IL15RA: variants seen among roughly 807,000 people sequenced by gnomAD.
IL15RA encodes interleukin-15 receptor subunit alpha.
In IL15RA, 26 loss-of-function variants were observed where a neutral mutation model predicts 24.2. The observed-to-expected ratio is 1.07, with a 90% CI of 0.79 to 1.49. IL15RA has a LOEUF of 1.49. Ranked by LOEUF, IL15RA falls within the 40% of genes most tolerant of loss-of-function variation. The pLI is 0.00. For synonymous variants in IL15RA, 166 were observed against 157.6 expected, an observed-to-expected ratio of 1.05 and a Z score of -0.40; for missense variants, 354 against 356.4, an observed-to-expected ratio of 0.99 and a Z score of 0.05.
chr10:5,954,832 T>C (rs890730232), intron 6 of IL15RA, among the ~76,000 whole-genome samples: 1 of 152,184 alleles, frequency 6.6e-6, no homozygotes, highest in African/African-American at 2.4e-5. Flanking sequence ...TTATTAATAG[T>C]GATATTTTGA....
rs983694280 is a variant in IL15RA, at chr10:5,953,734, A to G, written c.693-528T>C. The G allele has an allele frequency of 4.9e-5, 11 of 225,150 alleles. No individual in the cohort carries two copies. Among genetic ancestry groups the G allele is most frequent in the Non-Finnish European group, 8.8e-5 (10 of 113,462 alleles). The allele number at this position is 225,150 out of a possible 1,614,324, so 13.9% of individuals were successfully genotyped here. Reference sequence around the variant, plus strand: ...ATCATCTTGAAAAAAGTGATTTAATATTCATGAAGCTTTTAAAAACAGTTC... The same window carrying G: ...ATCATCTTGAAAAAAGTGATTTAATGTTCATGAAGCTTTTAAAAACAGTTC... On this transcript the variant is annotated intron_variant, in intron 6 of 6. Coordinates refer to ENST00000379977, the MANE Select transcript of IL15RA (RefSeq NM_002189.4). This position sits in a 1 kb window ranked among gnomAD's most constrained non-coding sequence, Gnocchi z 5.3.
rs1161472615 is a variant in IL15RA at position 5,961,939 on chromosome 10, C to T, written c.383-1372G>A. 1.3e-5 allele frequency among the ~76,000 whole-genome samples: 2 copies of T among 152,196 alleles called. No homozygotes were observed. Among genetic ancestry groups the T allele is most frequent in the East Asian group, 1.9e-4 (1 of 5,198 alleles). On this transcript the variant is annotated intron_variant, in intron 3 of 6. Transcript: ENST00000379977. The surrounding 1 kb of genome is among the most constrained non-coding windows in gnomAD (Gnocchi z 5.2). ...TTGCCCTACGCTCACTGCCAATGCTCCAGGGCTCCCTGCACAGGACGCACC... is the reference window on the plus strand; with the variant it reads ...TTGCCCTACGCTCACTGCCAATGCTTCAGGGCTCCCTGCACAGGACGCACC...
upstream of IL15RA, chr10:5,978,108 C>A (rs1262395479): frequency 6.6e-6 from 1 of 152,310 alleles, no homozygotes; most frequent in East Asian, 1.9e-4. The surrounding 1 kb of genome is among the most constrained non-coding windows in gnomAD (Gnocchi z 5.2). Context: ...AGCGCAGCCC[C>A]CGCCACCTGC....
rs55906065 is a variant in IL15RA at position 5,970,736 on chromosome 10, ATTATT to A, written c.89-4402_89-4398del. On this transcript the variant is annotated intron_variant, in intron 1 of 6. Transcript: ENST00000379977. The surrounding 1 kb of genome is among the most constrained non-coding windows in gnomAD (Gnocchi z 4.1). ...TAAAATGATTTTATTTTATTTCATT[ATTATT>A]TTATTTTATTTTATTTTATTTTATT... Among the ~76,000 whole-genome samples the A allele has an allele frequency of 0.43, 61,924 of 143,134 alleles. 13,541 individuals are homozygous for A. Among genetic ancestry groups the A allele is most frequent in the East Asian group, 0.54 (2,640 of 4,902 alleles). 93.9% of individuals were successfully genotyped at this position (143,134 alleles called of 152,430 possible). A position where few individuals can be genotyped will look rare whatever the true frequency, so the allele number is the denominator to read the frequency against.
chr10:5,959,295 A>G lies in IL15RA; in HGVS notation c.616+459T>C, dbSNP rs1474591949. On this transcript the variant is annotated intron_variant, in intron 5 of 6. Transcript: ENST00000379977. This position sits in a 1 kb window ranked among gnomAD's most constrained non-coding sequence, Gnocchi z 4.1. The stretch of plus-strand genomic sequence containing the variant: ...GCTGGGATTACAGGTGTGAGCCACC[A>G]TGCCTGGCCAAGAGTAGCATTTTAT... 1.8e-4 allele frequency among the ~76,000 whole-genome samples: 28 copies of G among 151,636 alleles called. No individual in the cohort carries two copies. Among genetic ancestry groups the G allele is most frequent in the Non-Finnish European group, 7.4e-5 (5 of 67,932 alleles).
At position 5,970,409 on chromosome 10, in the gene IL15RA, T is replaced by C. The variant is rs1837379578; in HGVS notation, c.89-4070A>G. Among the ~76,000 whole-genome samples, 1 of 152,238 alleles carries C rather than the reference T, an allele frequency of 6.6e-6. No individual in the cohort carries two copies. Among genetic ancestry groups the C allele is most frequent in the Non-Finnish European group, 1.5e-5 (1 of 68,040 alleles). On this transcript the variant is annotated intron_variant, in intron 1 of 6. Coordinates refer to ENST00000379977, the MANE Select transcript of IL15RA (RefSeq NM_002189.4). This position sits in a 1 kb window ranked among gnomAD's most constrained non-coding sequence, Gnocchi z 4.1. ...ATTATTGTTTATCAGCTCAGGATTT[T>C]AAAAGGCATTTGCACTATATTATTT...
At position 5,975,732 on chromosome 10, in the gene IL15RA, A is replaced by T. The variant is rs919151353; in HGVS notation, c.88+1673T>A. Among the ~76,000 whole-genome samples the T allele has an allele frequency of 4.6e-5, 7 of 152,058 alleles. No homozygotes were observed. The highest frequency in any genetic ancestry group is 1.0e-4 in the Non-Finnish European group (7 of 68,008). On this transcript the variant is annotated intron_variant, in intron 1 of 6. Transcript: ENST00000379977. This position sits in a 1 kb window ranked among gnomAD's most constrained non-coding sequence, Gnocchi z 4.8. ...AACATGATGAAACCCCGTCTCTATT[A>T]AAAACACAAAAGTTACTGGGCGTGG...
upstream of IL15RA, chr10:5,977,552 G>T (rs1286789110): frequency 9.4e-6 from 12 of 1,275,880 alleles, no homozygotes; most frequent in African/African-American, 4.6e-5. Flanking sequence ...AGGCCGGGGG[G>T]AGGTGGCGAG....
chr10:5,954,787 T>G (rs1834300265), intron 6 of IL15RA, among the ~76,000 whole-genome samples: 1 of 152,214 alleles, frequency 6.6e-6, no homozygotes, highest in Admixed American at 6.5e-5. Context: ...AGAATATAAC[T>G]CCAAATTCAG....
intron 1 of IL15RA, among the ~76,000 whole-genome samples, chr10:5,969,148 A>G (rs144301665): frequency 6.0e-4 from 92 of 152,250 alleles, no homozygotes; most frequent in African/African-American, 2.1e-3. Flanking sequence ...AAAGTCAGGT[A>G]GTATAAGTCC....
rs1416565785 is a variant in IL15RA, at chr10:5,953,307, G to T, written c.693-101C>A. ...CATGTATGTCCAGCACTGCGGGGATGGCAGGAGCAGACAGAGGCCCTGCCA... is the reference window on the plus strand; with the variant it reads ...CATGTATGTCCAGCACTGCGGGGATTGCAGGAGCAGACAGAGGCCCTGCCA... On this transcript the variant is annotated intron_variant, in intron 6 of 6. Transcript: ENST00000379977. The surrounding 1 kb of genome is among the most constrained non-coding windows in gnomAD (Gnocchi z 5.3). 1 of 850,818 alleles carries T rather than the reference G, an allele frequency of 1.2e-6. No homozygotes were observed. Among genetic ancestry groups the T allele is most frequent in the Admixed American group, 1.9e-5 (1 of 51,456 alleles). 52.7% of individuals were successfully genotyped at this position (850,818 alleles called of 1,614,324 possible).
At chr10:5,949,016 C>T (rs181386400), downstream of IL15RA, 168 of 332,630 alleles carry the variant, frequency 5.1e-4, no homozygotes, top group Non-Finnish European at 8.0e-4. The surrounding 1 kb of genome is among the most constrained non-coding windows in gnomAD (Gnocchi z 4.4). Context: ...TGTAAAATGG[C>T]GCTGAGATGA....
chr10:5,954,731 T>A (rs1227830260), intron 6 of IL15RA, among the ~76,000 whole-genome samples: 1 of 151,656 alleles, frequency 6.6e-6, no homozygotes. Flanking sequence ...GTATGTACAT[T>A]TAAAAAATAT....
rs947849146 is a variant in IL15RA, at chr10:5,962,143, G to A, written c.383-1576C>T. Among the ~76,000 whole-genome samples the A allele has an allele frequency of 3.9e-5, 6 of 152,218 alleles. No homozygotes were observed. In the South Asian group the frequency reaches 6.2e-4, roughly 16 times the overall value. On this transcript the variant is annotated intron_variant, in intron 3 of 6. Transcript: ENST00000379977. The surrounding 1 kb of genome is among the most constrained non-coding windows in gnomAD (Gnocchi z 5.2). ...ATTCTCCTCCTTGGGTGAACCAGGTGTGACTCAGATCAAAGGGGTTGTAGA... is the reference window on the plus strand; with the variant it reads ...ATTCTCCTCCTTGGGTGAACCAGGTATGACTCAGATCAAAGGGGTTGTAGA...
In IL15RA at chr10:5,966,481, A is replaced by G; in HGVS notation, c.89-142T>C. 1 of 636,896 alleles carries G rather than the reference A, an allele frequency of 1.6e-6. No homozygotes were observed. The highest frequency in any genetic ancestry group is 2.7e-5 in the Admixed American group (1 of 36,874). The allele number at this position is 636,896 out of a possible 1,614,324, so 39.5% of individuals were successfully genotyped here. A position where few individuals can be genotyped will look rare whatever the true frequency, so the allele number is the denominator to read the frequency against. ...GCCCCAGGTGCCAGGCACGTGGAGG[A>G]TGTACAGGAAGAGCATCCTCACCCA... is the stretch of plus-strand genomic sequence containing the variant. On this transcript the variant is annotated intron_variant, in intron 1 of 6. Coordinates refer to ENST00000379977, the MANE Select transcript of IL15RA (RefSeq NM_002189.4). The surrounding 1 kb of genome is among the most constrained non-coding windows in gnomAD (Gnocchi z 6.4).
At chr10:5,972,031 C>G (rs1386623253) in intron 1 of IL15RA, among the ~76,000 whole-genome samples, 1 of 152,186 alleles carries the variant, frequency 6.6e-6, no homozygotes, top group Non-Finnish European at 1.5e-5. Flanking sequence ...TCTTCTGTCT[C>G]CTGCATTGAC....
Position 5,961,878 on chromosome 10 carries a change from C to T in IL15RA, c.383-1311G>A, listed in dbSNP as rs1031900313. On this transcript the variant is annotated intron_variant, in intron 3 of 6. Coordinates refer to ENST00000379977, the MANE Select transcript of IL15RA (RefSeq NM_002189.4). This position sits in a 1 kb window ranked among gnomAD's most constrained non-coding sequence, Gnocchi z 5.2. ...CCACACAGGTCATGAGAAGGCCTCACGCCCCTTAATCCTGTGTCACCACCT... is the reference window on the plus strand; with the variant it reads ...CCACACAGGTCATGAGAAGGCCTCATGCCCCTTAATCCTGTGTCACCACCT... Among the ~76,000 whole-genome samples, 4 of 152,212 alleles carry T rather than the reference C, an allele frequency of 2.6e-5. No homozygotes were observed. The highest frequency in any genetic ancestry group is 4.8e-5 in the African/African-American group (2 of 41,460).
chr10:5,974,754 G>A (rs942302775), intron 1 of IL15RA, among the ~76,000 whole-genome samples: 7 of 152,062 alleles, frequency 4.6e-5, no homozygotes, highest in African/African-American at 1.4e-4. Flanking sequence ...GTGCAAGCCT[G>A]TAGTCCCAGC....
Position 5,968,552 on chromosome 10 carries a change from A to G in IL15RA, c.89-2213T>C, listed in dbSNP as rs1837005580. 2 of 556,460 alleles carry G rather than the reference A, an allele frequency of 3.6e-6. No individual in the cohort carries two copies. Among genetic ancestry groups the G allele is most frequent in the Admixed American group, 3.1e-5 (1 of 32,450 alleles). The allele number at this position is 556,460 out of a possible 1,614,324, so 34.5% of individuals were successfully genotyped here. ...CGTGAGAGATGGAGTCGATCTCACA[A>G]GTTGTTGAGGTGGATTTGGATGCTG... On this transcript the variant is annotated intron_variant, in intron 1 of 6. Transcript: ENST00000379977. This position sits in a 1 kb window ranked among gnomAD's most constrained non-coding sequence, Gnocchi z 5.4.
Sources: gnomAD v4.1 joint callset for allele counts (sites outside exome capture counted in the v4.1 genomes callset) on GRCh38, gnomAD v4.1.1 for gene constraint, Gnocchi (gnomAD v3.1) non-coding constraint, MANE v1.5 for transcripts, NCBI Gene and HGNC (gene_info 2026-07-23, HGNC 2026-07-21) for gene names.